LINGO2: variants seen among roughly 807,000 people sequenced by gnomAD.
LINGO2 encodes leucine-rich repeat and immunoglobulin-like domain-containing nogo receptor-interacting protein 2.
In LINGO2, 14 loss-of-function variants were observed where a neutral mutation model predicts 30.6. That is an observed-to-expected ratio of 0.46 (90% CI 0.30 to 0.72). The LOEUF is 0.72. Ranked by LOEUF, LINGO2 falls within the 30% of genes least tolerant of loss-of-function variation. The pLI is 0.07. For synonymous variants in LINGO2, 317 were observed against 288.5 expected, an observed-to-expected ratio of 1.10 and a Z score of -1.00; for missense variants, 729 against 751.7, an observed-to-expected ratio of 0.97 and a Z score of 0.35.
the LINGO2 span, among the ~76,000 whole-genome samples, chr9:29,143,022 T>A: frequency 6.6e-6 from 1 of 150,958 alleles, no homozygotes; most frequent in Non-Finnish European, 1.5e-5. Flanking sequence ...AAACGTAAAT[T>A]AAGAAAACAA....
At chr9:28,638,897 T>C (rs567299645) in intron 1 of LINGO2, among the ~76,000 whole-genome samples, 5 of 152,308 alleles carry the variant, frequency 3.3e-5, no homozygotes, top group Admixed American at 6.5e-5. Context: ...CTCTAGTTCT[T>C]TGAATTGTGA....
the LINGO2 span, among the ~76,000 whole-genome samples, chr9:29,050,314 A>G: frequency 6.0e-5 from 9 of 150,940 alleles, no homozygotes; most frequent in African/African-American, 1.7e-4. Flanking sequence ...CGTAGCCACC[A>G]CGCCCAGCCT....
the LINGO2 span, among the ~76,000 whole-genome samples, chr9:28,831,403 G>T: frequency 6.6e-6 from 1 of 152,128 alleles, no homozygotes; most frequent in African/African-American, 2.4e-5. Context: ...AAGGACACAA[G>T]TTATTAAATG....
At chr9:28,806,633 A>G in the LINGO2 span, among the ~76,000 whole-genome samples, 7 of 152,334 alleles carry the variant, frequency 4.6e-5, no homozygotes, top group East Asian at 1.3e-3. Flanking sequence ...CTAGGGCACC[A>G]GGTTTATATC....
At chr9:28,304,208 T>G (rs559651316) in intron 3 of LINGO2, among the ~76,000 whole-genome samples, 4 of 151,120 alleles carry the variant, frequency 2.6e-5, no homozygotes, top group Non-Finnish European at 5.9e-5. Flanking sequence ...ATACAGAAAT[T>G]TGTTCTTTGA....
At position 28,355,237 on chromosome 9, in the gene LINGO2, CTCTCTGTCTCTCTCTCTG is replaced by C. The variant is rs1212855663; in HGVS notation, c.-246+17581_-246+17598del. ...TCAAAACCGTAATCTGTCTCTATCT[CTCTCTGTCTCTCTCTCTG>C]TCTCTGTCTCTCTCTCTGTCTCTGT... On this transcript the variant is annotated intron_variant, in intron 3 of 5. Coordinates refer to ENST00000379992, the Ensembl canonical transcript of LINGO2. Among the ~76,000 whole-genome samples, 773 of 141,434 alleles carry C rather than the reference CTCTCTGTCTCTCTCTCTG, an allele frequency of 5.5e-3. 18 individuals are homozygous for C. The highest frequency in any genetic ancestry group is 6.6e-3 in the Non-Finnish European group (428 of 65,062). The allele number at this position is 141,434 out of a possible 152,430, so 92.8% of individuals were successfully genotyped here. A position where few individuals can be genotyped will look rare whatever the true frequency, so the allele number is the denominator to read the frequency against.
At chr9:28,232,419 C>CAAAAAA (rs1220539550) in intron 4 of LINGO2, among the ~76,000 whole-genome samples, 2 of 79,754 alleles carry the variant, frequency 2.5e-5, no homozygotes, top group South Asian at 4.7e-4. Flanking sequence ...TTCTATCTCA[C>CAAAAAA]AAAAAAAAAA....
intron 1 of LINGO2, among the ~76,000 whole-genome samples, chr9:28,568,921 G>A (rs945031736): frequency 2.0e-5 from 3 of 151,896 alleles, no homozygotes; most frequent in African/African-American, 7.2e-5. Context: ...CACGAGTAAA[G>A]GTTGGTATAT....
chr9:29,068,465 T>G, the LINGO2 span, among the ~76,000 whole-genome samples: 2 of 151,830 alleles, frequency 1.3e-5, no homozygotes, highest in Non-Finnish European at 3.0e-5. Context: ...TTTAGATTGG[T>G]ACAGAAAGCT....
At chr9:27,972,232 C>G (rs1395585441) in intron 5 of LINGO2, among the ~76,000 whole-genome samples, 1 of 152,192 alleles carries the variant, frequency 6.6e-6, no homozygotes, top group African/African-American at 2.4e-5. Context: ...TTGTATGAAT[C>G]TGATTTTTCA....
At chr9:29,008,936 A>G in the LINGO2 span, among the ~76,000 whole-genome samples, 1 of 152,320 alleles carries the variant, frequency 6.6e-6, no homozygotes, top group East Asian at 1.9e-4. Context: ...CAAAAACCAC[A>G]TGATTATCTC....
At chr9:28,069,640 C>T (rs570167490) in intron 4 of LINGO2, among the ~76,000 whole-genome samples, 6 of 152,264 alleles carry the variant, frequency 3.9e-5, no homozygotes, top group Admixed American at 2.6e-4. Flanking sequence ...GAGTTTCTGG[C>T]TCTGTAATCT....
At chr9:28,274,258 T>C (rs190592701) in intron 4 of LINGO2, among the ~76,000 whole-genome samples, 1 of 152,314 alleles carries the variant, frequency 6.6e-6, no homozygotes, top group East Asian at 1.9e-4. Flanking sequence ...CTATACCTTA[T>C]ACAAACCTCT....
At chr9:29,033,384 A>C in the LINGO2 span, among the ~76,000 whole-genome samples, 1 of 149,662 alleles carries the variant, frequency 6.7e-6, no homozygotes, top group African/African-American at 2.4e-5. Context: ...TTTACTATAT[A>C]TATATATATA....
the LINGO2 span, among the ~76,000 whole-genome samples, chr9:29,080,445 TC>T: frequency 6.6e-6 from 1 of 152,130 alleles, no homozygotes; most frequent in East Asian, 1.9e-4. Flanking sequence ...TCTATCTCCT[TC>T]AGTCTGCTCT....
chr9:28,003,342 T>TATAGATAGATAGATAGATAG (rs200150497), intron 5 of LINGO2, among the ~76,000 whole-genome samples: 50 of 141,642 alleles, frequency 3.5e-4, no homozygotes, highest in Non-Finnish European at 1.2e-4. Flanking sequence ...TATATAGATA[T>TATAGATAGATAGATAGATAG]ATAGATAGAT....
At chr9:28,599,163 T>C (rs1481138711) in intron 1 of LINGO2, 2 of 152,154 alleles carry the variant, frequency 1.3e-5, no homozygotes, top group Admixed American at 6.6e-5. Context: ...GCCAGGGATT[T>C]TTCTATGAGG....
intron 2 of LINGO2, among the ~76,000 whole-genome samples, chr9:28,402,099 C>G (rs1362562866): frequency 6.6e-6 from 1 of 152,182 alleles, no homozygotes; most frequent in Admixed American, 6.5e-5. Context: ...TAGGGCAACA[C>G]AAGCAATTCT....
At chr9:28,218,321 A>G (rs1820841424) in intron 4 of LINGO2, among the ~76,000 whole-genome samples, 2 of 151,840 alleles carry the variant, frequency 1.3e-5, no homozygotes, top group African/African-American at 4.8e-5. Flanking sequence ...GAATCTGTAA[A>G]AGAAAAATGA....
Sources: allele counts gnomAD v4.1 joint callset (sites outside exome capture counted in the v4.1 genomes callset), GRCh38; gene constraint gnomAD v4.1.1; transcripts MANE v1.5; gene names NCBI Gene and HGNC (gene_info 2026-07-23, HGNC 2026-07-21).